SHTN1: variants seen among roughly 807,000 people sequenced by gnomAD.
The protein encoded by SHTN1 is shootin-1.
In SHTN1, 42 loss-of-function variants were observed where a neutral mutation model predicts 83.1. The ratio of observed to expected loss-of-function variants is 0.51; its 90% confidence interval spans 0.39 to 0.65. The LOEUF (loss-of-function observed/expected upper bound fraction) is 0.65, where lower values mean the gene tolerates loss of function less well. Ranked by LOEUF, SHTN1 falls within the 30% of genes least tolerant of loss-of-function variation. The pLI is 0.00. For synonymous variants in SHTN1, 224 were observed against 247.7 expected, an observed-to-expected ratio of 0.90 and a Z score of 0.90; for missense variants, 622 against 737.8, an observed-to-expected ratio of 0.84 and a Z score of 1.82.
At chr10:116,961,090 A>G (rs1195834265) in intron 3 of SHTN1, among the ~76,000 whole-genome samples, 1 of 152,076 alleles carries the variant, frequency 6.6e-6, no homozygotes, top group African/African-American at 2.4e-5. Context: ...CCCTAAATGT[A>G]GACATTACTT....
chr10:116,982,670 A>T (rs191043765), intron 1 of SHTN1, among the ~76,000 whole-genome samples: 2 of 152,316 alleles, frequency 1.3e-5, no homozygotes, highest in East Asian at 3.9e-4. Flanking sequence ...TAAAGAGATT[A>T]ATCTGGCCGG....
At chr10:117,114,841 CTG>C (rs1853822137) in intron 1 of SHTN1, among the ~76,000 whole-genome samples, 1 of 152,208 alleles carries the variant, frequency 6.6e-6, no homozygotes, top group Non-Finnish European at 1.5e-5. Flanking sequence ...GTTCTGCACA[CTG>C]TAATTCTTCC....
chr10:117,120,670 G>A (rs1417606909), intron 1 of SHTN1, among the ~76,000 whole-genome samples: 1 of 152,114 alleles, frequency 6.6e-6, no homozygotes. Context: ...ACAAATCTAT[G>A]GTTTGGTAGA....
At chr10:116,960,040 G>C in intron 4 of SHTN1, 96 bp downstream of exon 4, 1 of 688,964 alleles carries the variant, frequency 1.5e-6, no homozygotes, top group Non-Finnish European at 2.6e-6. Context: ...TAATCGATTA[G>C]AGAAGTAGAA....
chr10:116,990,588 G>A (rs570345511), intron 1 of SHTN1, among the ~76,000 whole-genome samples: 1 of 152,206 alleles, frequency 6.6e-6, no homozygotes, highest in South Asian at 2.1e-4. Context: ...GCTGTCGTTG[G>A]AAGAAACTGG....
chr10:117,021,544 T>C (rs529198471), intron 2 of SHTN1, among the ~76,000 whole-genome samples: 6 of 152,354 alleles, frequency 3.9e-5, no homozygotes, highest in African/African-American at 1.4e-4. Context: ...ACTATAAGTG[T>C]ATAATTCACT....
chr10:116,964,988 T>A (rs769448323), intron 3 of SHTN1, among the ~76,000 whole-genome samples: 3 of 151,770 alleles, frequency 2.0e-5, no homozygotes, highest in Non-Finnish European at 2.9e-5. Context: ...AATAAATAAA[T>A]AAAAAGATAT....
At chr10:117,097,979 G>A (rs574686694) in intron 1 of SHTN1, among the ~76,000 whole-genome samples, 1 of 152,032 alleles carries the variant, frequency 6.6e-6, no homozygotes, top group East Asian at 1.9e-4. Context: ...AATGCTTCAC[G>A]TGAAGTGGAG....
At chr10:117,089,548 G>C (rs1273664133) in intron 1 of SHTN1, among the ~76,000 whole-genome samples, 1 of 152,020 alleles carries the variant, frequency 6.6e-6, no homozygotes, top group Non-Finnish European at 1.5e-5. Flanking sequence ...TGATTTTTTT[G>C]GATAGGGCGT....
intron 1 of SHTN1, among the ~76,000 whole-genome samples, chr10:117,083,833 G>C (rs560599459): frequency 1.3e-5 from 2 of 151,698 alleles, no homozygotes; most frequent in East Asian, 1.9e-4. Flanking sequence ...CCAGTTGATC[G>C]CATCGGCTCC....
At chr10:117,069,635 T>A (rs1376368894) in intron 1 of SHTN1, among the ~76,000 whole-genome samples, 50 of 152,334 alleles carry the variant, frequency 3.3e-4, no homozygotes, top group African/African-American at 1.0e-3. Flanking sequence ...AAGTAAATTA[T>A]TACTATTACA....
intron 1 of SHTN1, among the ~76,000 whole-genome samples, chr10:116,998,052 T>A (rs998402706): frequency 2.7e-4 from 41 of 152,136 alleles, no homozygotes; most frequent in African/African-American, 9.9e-4. Context: ...AGCTCATGCC[T>A]CGGCACTTCA....
In SHTN1 at chr10:116,925,047, C is replaced by T. The variant is rs60809085; in HGVS notation, c.1112+2745G>A. Among the ~76,000 whole-genome samples the T allele has an allele frequency of 6.6e-3, 1,007 of 152,242 alleles. 14 individuals carry two copies. The highest frequency in any genetic ancestry group is 0.023 in the African/African-American group (972 of 41,556). On this transcript the variant is annotated intron_variant, in intron 11 of 16. Coordinates refer to ENST00000355371, the MANE Select transcript of SHTN1 (RefSeq NM_001127211.3). ...CTGGGATTACAGGCGTGAGCCACTG[C>T]GCCCGGCCTTCACCTGTTAGTTTTT... is the stretch of plus-strand genomic sequence containing the variant.
At chr10:116,977,669 T>TGTGC (rs1270444910) in intron 2 of SHTN1, among the ~76,000 whole-genome samples, 1 of 151,166 alleles carries the variant, frequency 6.6e-6, no homozygotes, top group Non-Finnish European at 1.5e-5. Context: ...ACTCTGTGTG[T>TGTGC]GTGTGTGTGT....
intron 1 of SHTN1, among the ~76,000 whole-genome samples, chr10:116,985,696 C>A (rs1564914897): frequency 6.6e-6 from 1 of 152,142 alleles, no homozygotes; most frequent in Admixed American, 6.5e-5. Flanking sequence ...AACCAGAAAA[C>A]AAGACCTCAT....
intron 1 of SHTN1, among the ~76,000 whole-genome samples, chr10:117,110,099 T>C (rs1270229592): frequency 6.6e-6 from 1 of 152,144 alleles, no homozygotes; most frequent in Non-Finnish European, 1.5e-5. Flanking sequence ...CTGTTCTCTA[T>C]AACATCTCTC....
chr10:117,081,538 T>C (rs1853262517), intron 1 of SHTN1, among the ~76,000 whole-genome samples: 1 of 141,302 alleles, frequency 7.1e-6, no homozygotes, highest in African/African-American at 2.7e-5. Flanking sequence ...ATCAGAATGA[T>C]GCTGGCCTCA....
Position 116,927,792 on chromosome 10 carries a change from C to G in SHTN1, c.1112G>C (p.Arg371Pro). 6.4e-7 allele frequency: 1 copy of G among 1,559,416 alleles called. No homozygotes were observed. Among genetic ancestry groups the G allele is most frequent in the South Asian group, 1.2e-5 (1 of 83,002 alleles). The change falls in exon 11 of 17, where the codon CGA becomes CCA. Residue 371 changes from arginine (R) to proline (P), a missense_variant and splice_region_variant. Physicochemically the swap from Arg to Pro is moderately radical, Grantham distance 103. Transcript: ENST00000355371. The part of the protein sequence containing the change: ...PLPPPPPNPI[R>P]SLMSMIRKRS... ...GAGCAGTCTTCCTGGATGTGCTTAC[C>G]GGATAGGATTGGGAGGTGGAGGGGG...
At chr10:117,068,740 G>A (rs1853039733) in intron 1 of SHTN1, among the ~76,000 whole-genome samples, 1 of 152,126 alleles carries the variant, frequency 6.6e-6, no homozygotes, top group African/African-American at 2.4e-5. Context: ...TAACTTCAAA[G>A]CCCTCATGAA....
Sources: allele counts gnomAD v4.1 joint callset (sites outside exome capture counted in the v4.1 genomes callset), GRCh38; gene constraint gnomAD v4.1.1; transcripts MANE v1.5; gene names NCBI Gene and HGNC (gene_info 2026-07-23, HGNC 2026-07-21).